DENND4A: variants seen among roughly 807,000 people sequenced by gnomAD.
DENND4A encodes DENN domain containing 4A.
Under a neutral mutation model 199.3 loss-of-function variants are expected in DENND4A, and 70 were observed. That is an observed-to-expected ratio of 0.35 (90% CI 0.29 to 0.43). DENND4A has a LOEUF of 0.43. Ranked by LOEUF, DENND4A falls within the 20% of genes least tolerant of loss-of-function variation. DENND4A has a pLI of 1.00. For synonymous variants in DENND4A, 686 were observed against 766.9 expected (o/e 0.89, Z 1.74); for missense variants, 1,723 against 2,255.8 (o/e 0.76, Z 4.78).
At chr15:65,712,362 G>T (rs946923938) in intron 14 of DENND4A, among the ~76,000 whole-genome samples, 1 of 152,090 alleles carries the variant, frequency 6.6e-6, no homozygotes, top group African/African-American at 2.4e-5. Flanking sequence ...ATAAAACCCA[G>T]TTAAAGGCAA....
At position 65,739,007 on chromosome 15, in the gene DENND4A, AC is replaced by A. The variant is rs904883499; in HGVS notation, c.632-133del. 1.3e-5 allele frequency: 8 copies of A among 605,190 alleles called. No individual in the cohort carries two copies. The African/African-American group carries it at 1.5e-4, about 11-fold the overall frequency. The allele number at this position is 605,190 out of a possible 1,614,324, so 37.5% of individuals were successfully genotyped here. The stretch of plus-strand genomic sequence containing the variant: ...GCATTATATATATGTTCATCAAATA[AC>A]ACTGAATACTTTGGTAGGATTCATA... On this transcript the variant is annotated intron_variant, in intron 5 of 32. Coordinates refer to ENST00000443035, the MANE Select transcript of DENND4A (RefSeq NM_001320835.1).
Position 65,659,136 on chromosome 15 carries a change from G to C in DENND4A, c.*2715C>G, listed in dbSNP as rs2075767890. The C allele has an allele frequency of 6.6e-6, 1 of 152,050 alleles. No individual in the cohort carries two copies. The highest frequency in any genetic ancestry group is 1.5e-5 in the Non-Finnish European group (1 of 68,016). 9.4% of individuals were successfully genotyped at this position (152,050 alleles called of 1,614,324 possible). A position where few individuals can be genotyped will look rare whatever the true frequency, so the allele number is the denominator to read the frequency against. ...TAGTAAACAAGCTACATCAGCACAG[G>C]ACATGGTTTATTGTCAACCATTTAA... On this transcript the variant is annotated 3_prime_UTR_variant, in exon 33 of 33. Transcript: ENST00000443035.
In DENND4A at chr15:65,670,128, T is replaced by G. The variant is rs1270225886; in HGVS notation, c.4525A>C (p.Ile1509Leu). The G allele has an allele frequency of 6.3e-7, 1 of 1,599,584 alleles. No individual in the cohort carries two copies. The highest frequency in any genetic ancestry group is 8.5e-7 in the Non-Finnish European group (1 of 1,172,440). The change falls in exon 26 of 33, where the codon ATC (isoleucine) becomes CTC (leucine). Residue 1509 changes from isoleucine to leucine, a missense_variant. Physicochemically the swap from Ile to Leu is conservative, Grantham distance 5. This residue lies in a region of DENND4A where 7 missense variants were observed against 28.4 expected (regional missense o/e 0.25). Transcript: ENST00000443035. ...TCATCTGCTGTCCAGCCAGCCATGA[T>G]TTCCTCATCATGGACAAGACAATCA... ...TCDCLVHDEE[I>L]MAGWTADDSN...
At chr15:65,714,178 G>A (rs1324588482) in intron 14 of DENND4A, among the ~76,000 whole-genome samples, 8 of 152,098 alleles carry the variant, frequency 5.3e-5, no homozygotes, top group East Asian at 1.9e-4. Flanking sequence ...TTGGGAGGCC[G>A]AGGCGGGCAG....
intron 14 of DENND4A, among the ~76,000 whole-genome samples, chr15:65,711,600 T>C (rs1394814499): frequency 6.6e-6 from 1 of 152,192 alleles, no homozygotes; most frequent in East Asian, 1.9e-4. Context: ...AGTAGGTTAT[T>C]CAAAATGTAG....
chr15:65,684,688 CAA>C (rs1311591626), intron 23 of DENND4A, among the ~76,000 whole-genome samples: 3 of 152,192 alleles, frequency 2.0e-5, no homozygotes, highest in Non-Finnish European at 2.9e-5. Context: ...TTTTGGATCA[CAA>C]AAGTCTTCAA....
intron 1 of DENND4A, among the ~76,000 whole-genome samples, chr15:65,786,780 T>A (rs944818862): frequency 6.6e-6 from 1 of 152,180 alleles, no homozygotes; most frequent in Non-Finnish European, 1.5e-5. Flanking sequence ...TGTACTACAA[T>A]GTGCATGTTC....
chr15:65,733,889 T>C (rs1432560106), intron 7 of DENND4A, among the ~76,000 whole-genome samples: 1 of 152,214 alleles, frequency 6.6e-6, no homozygotes, highest in African/African-American at 2.4e-5. Context: ...GAAGGCAGCA[T>C]GCTCCTTAAC....
At chr15:65,741,071 T>C (rs578079586) in intron 5 of DENND4A, among the ~76,000 whole-genome samples, 12 of 152,058 alleles carry the variant, frequency 7.9e-5, no homozygotes, top group Non-Finnish European at 1.8e-4. Flanking sequence ...ATGGGGTCTA[T>C]GTTGCCCAGG....
rs760979228 is a variant in DENND4A, at chr15:65,671,831, G to A, written c.4425C>T (p.Asn1475=). ...TCTGGAAGATATTTGTATTACTCGCGTTGAAGGAAGATGTCACTTCTGATT... is the reference window on the plus strand; with the variant it reads ...TCTGGAAGATATTTGTATTACTCGCATTGAAGGAAGATGTCACTTCTGATT... ...PGKSEVTSSF[N]ASNTNIFQNY... The change falls in exon 25 of 33, where the codon AAC becomes AAT. Residue 1475 remains asparagine (N), a synonymous_variant. Transcript: ENST00000443035. 23 of 1,612,522 alleles carry A rather than the reference G, an allele frequency of 1.4e-5. No individual in the cohort carries two copies. The highest frequency in any genetic ancestry group is 1.6e-4 in the Middle Eastern group (1 of 6,084).
chr15:65,782,634 A>C (rs1289102064), intron 1 of DENND4A, among the ~76,000 whole-genome samples: 1 of 152,118 alleles, frequency 6.6e-6, no homozygotes, highest in Admixed American at 6.6e-5. Context: ...ACACATACAC[A>C]CATACACATA....
At chr15:65,686,817 G>A (rs775397209) in intron 23 of DENND4A, among the ~76,000 whole-genome samples, 1 of 151,910 alleles carries the variant, frequency 6.6e-6, no homozygotes, top group Non-Finnish European at 1.5e-5. Flanking sequence ...AGCCTCCTGA[G>A]TAGCTAGGAC....
At chr15:65,777,388 T>C (rs1382049674) in intron 1 of DENND4A, among the ~76,000 whole-genome samples, 3 of 151,874 alleles carry the variant, frequency 2.0e-5, no homozygotes, top group East Asian at 3.9e-4. Context: ...AGTCTTACTC[T>C]GTTGACCAGG....
rs201606160 is a variant in DENND4A at position 65,701,079 on chromosome 15, A to G, written c.2673T>C (p.His891=). The change falls in exon 19 of 33, where the codon CAT becomes CAC. Residue 891 remains histidine, a synonymous_variant. Coordinates refer to ENST00000443035, the MANE Select transcript of DENND4A (RefSeq NM_001320835.1). ...VTQFKRALKK[H]AHLSQTTLSA... ...AGAGAGTTGTTTGTGATAAGTGTGC[A>G]TGCTTCTTTAAAGCTCTTTTGAACT... The G allele has an allele frequency of 6.2e-7, 1 of 1,608,888 alleles. No individual in the cohort carries two copies. The highest frequency in any genetic ancestry group is 8.5e-7 in the Non-Finnish European group (1 of 1,178,556).
chr15:65,772,731 A>T (rs886455633), intron 1 of DENND4A, among the ~76,000 whole-genome samples: 3 of 150,548 alleles, frequency 2.0e-5, no homozygotes, highest in Admixed American at 2.0e-4. Context: ...AAAAAAAAAA[A>T]AAAAAGACCT....
rs982840635 is a variant in DENND4A, at chr15:65,660,641, A to G, written c.*1210T>C. The G allele has an allele frequency of 7.9e-5, 16 of 202,980 alleles. No homozygotes were observed. The highest frequency in any genetic ancestry group is 1.2e-4 in the Non-Finnish European group (12 of 101,870). 12.6% of individuals were successfully genotyped at this position (202,980 alleles called of 1,614,324 possible). ...TTTTTAAAGCTATTTAATACTCATG[A>G]TGTCTAAACTTTCAATTTATTGTCT... On this transcript the variant is annotated 3_prime_UTR_variant, in exon 33 of 33. Transcript: ENST00000443035.
intron 20 of DENND4A, among the ~76,000 whole-genome samples, chr15:65,697,783 T>C (rs535453627): frequency 2.0e-5 from 3 of 152,326 alleles, no homozygotes; most frequent in Non-Finnish European, 4.4e-5. Flanking sequence ...AGAACATTCA[T>C]ACATAGGTCA....
At chr15:65,666,010 G>A (rs1000798554) in intron 29 of DENND4A, among the ~76,000 whole-genome samples, 1 of 152,014 alleles carries the variant, frequency 6.6e-6, no homozygotes, top group Admixed American at 6.6e-5. Flanking sequence ...CAAACAAATG[G>A]CCTAAATGTT....
intron 1 of DENND4A, among the ~76,000 whole-genome samples, chr15:65,784,575 G>C (rs1388439825): frequency 6.6e-6 from 1 of 152,116 alleles, no homozygotes; most frequent in African/African-American, 2.4e-5. Flanking sequence ...AAAATATGGG[G>C]AAGTTGTTGC....
Sources: allele counts gnomAD v4.1 joint callset (sites outside exome capture counted in the v4.1 genomes callset), GRCh38; gene constraint gnomAD v4.1.1; regional missense constraint gnomAD v4.1.1; transcripts MANE v1.5; gene names NCBI Gene and HGNC (gene_info 2026-07-23, HGNC 2026-07-21).